PKNOX2: variants seen among roughly 807,000 people sequenced by gnomAD.
PKNOX2 encodes homeobox protein PKNOX2.
Under a neutral mutation model 53.1 loss-of-function variants are expected in PKNOX2, and 14 were observed. The observed-to-expected ratio is 0.26, with a 90% CI of 0.17 to 0.41. PKNOX2 has a LOEUF of 0.41. Ranked by LOEUF, PKNOX2 falls within the 10% of genes least tolerant of loss-of-function variation. The pLI is 1.00. For missense variants in PKNOX2, 496 were observed against 602.8 expected, an observed-to-expected ratio of 0.82 and a Z score of 1.85; for synonymous variants, 257 against 242.8, an observed-to-expected ratio of 1.06 and a Z score of -0.54.
At chr11:125,212,460 T>G (rs1939968805) in intron 1 of PKNOX2, among the ~76,000 whole-genome samples, 1 of 149,148 alleles carries the variant, frequency 6.7e-6, no homozygotes, top group Admixed American at 6.7e-5. Flanking sequence ...TTTTTTTTTT[T>G]TTTTTTTTTT....
At chr11:125,315,661 G>A (rs560375575) in intron 2 of PKNOX2, among the ~76,000 whole-genome samples, 122 of 152,332 alleles carry the variant, frequency 8.0e-4, no homozygotes, top group African/African-American at 2.8e-3. Flanking sequence ...AGATCTGAGG[G>A]CGTAGTGACC....
At chr11:125,359,714 C>A (rs963479735) in intron 4 of PKNOX2, among the ~76,000 whole-genome samples, 4 of 152,148 alleles carry the variant, frequency 2.6e-5, no homozygotes, top group African/African-American at 9.7e-5. Context: ...CCAGCCCTGC[C>A]GGGCCCGCCT....
intron 4 of PKNOX2, among the ~76,000 whole-genome samples, chr11:125,367,193 G>A (rs957781775): frequency 6.6e-6 from 1 of 152,232 alleles, no homozygotes; most frequent in African/African-American, 2.4e-5. Flanking sequence ...GAGTTGCTCT[G>A]GTTGGTACAA....
rs1956622535 is a variant in PKNOX2 at position 125,430,061 on chromosome 11, C to T, written c.1112C>T (p.Pro371Leu). 1 of 1,614,170 alleles carries T rather than the reference C, an allele frequency of 6.2e-7. No individual in the cohort carries two copies. Among genetic ancestry groups the T allele is most frequent in the Non-Finnish European group, 8.5e-7 (1 of 1,180,018 alleles). The change falls in exon 12 of 13, where the codon CCC (proline) becomes CTC (leucine). Residue 371 changes from proline to leucine, a missense_variant. By Grantham distance (98) the Pro-to-Leu change is moderately conservative. This residue lies in a region of PKNOX2 where 139 missense variants were observed against 161.3 expected (regional missense o/e 0.86). Coordinates refer to ENST00000298282, the MANE Select transcript of PKNOX2 (RefSeq NM_001382323.2). ...KAKKIKSQHR[P>L]TQRFWPNSIA... The stretch of plus-strand genomic sequence containing the variant: ...AAGAAGATCAAGTCTCAGCACCGGC[C>T]CACCCAAAGATTCTGGCCCAACTCC...
intron 6 of PKNOX2, among the ~76,000 whole-genome samples, chr11:125,390,819 A>G (rs1036579513): frequency 1.3e-5 from 2 of 152,224 alleles, no homozygotes; most frequent in South Asian, 2.1e-4. Context: ...ATTGACTCCA[A>G]AATGATTTGA....
chr11:125,330,090 G>T (rs532995435), intron 2 of PKNOX2, among the ~76,000 whole-genome samples: 1 of 151,748 alleles, frequency 6.6e-6, no homozygotes. Flanking sequence ...CTGTGGGGCC[G>T]ATGGTGGGAA....
At chr11:125,380,887 G>C (rs1953173173) in intron 5 of PKNOX2, among the ~76,000 whole-genome samples, 1 of 152,212 alleles carries the variant, frequency 6.6e-6, no homozygotes, top group African/African-American at 2.4e-5. Context: ...TCATGCTTTA[G>C]GGGGTGATGT....
chr11:125,323,135 A>G (rs1187446539), intron 2 of PKNOX2, among the ~76,000 whole-genome samples: 1 of 151,950 alleles, frequency 6.6e-6, no homozygotes, highest in African/African-American at 2.4e-5. Flanking sequence ...GAGGCCAGGT[A>G]TCTTGGCTCC....
intron 2 of PKNOX2, among the ~76,000 whole-genome samples, chr11:125,312,012 GA>G (rs1198929354): frequency 6.6e-6 from 1 of 151,712 alleles, no homozygotes; most frequent in African/African-American, 2.4e-5. Flanking sequence ...CAAAGAAGAA[GA>G]AAAAAAAGTC....
intron 8 of PKNOX2, 185 bp from the exon 9 acceptor site, chr11:125,410,594 G>C: frequency 1.5e-6 from 1 of 649,696 alleles, no homozygotes; most frequent in Non-Finnish European, 2.7e-6. Flanking sequence ...TCCCACCAGA[G>C]GCTCTGTCCT....
chr11:125,290,340 A>G (rs1202175335), intron 2 of PKNOX2, among the ~76,000 whole-genome samples: 3 of 152,128 alleles, frequency 2.0e-5, no homozygotes, highest in Non-Finnish European at 4.4e-5. Context: ...GCTTTTGGGG[A>G]AATGGAGTGG....
chr11:125,195,609 G>A (rs1164508765), intron 1 of PKNOX2, among the ~76,000 whole-genome samples: 2 of 147,762 alleles, frequency 1.4e-5, no homozygotes, highest in South Asian at 2.2e-4. Context: ...CTGGTTCAGG[G>A]GGAAATCTAC....
intron 10 of PKNOX2, among the ~76,000 whole-genome samples, chr11:125,413,962 C>A (rs1425000834): frequency 3.3e-5 from 5 of 152,160 alleles, no homozygotes; most frequent in Non-Finnish European, 7.3e-5. Flanking sequence ...CACTACTTTC[C>A]ACTCCCCACT....
chr11:125,178,626 GAAA>G (rs1955899560), intron 1 of PKNOX2, among the ~76,000 whole-genome samples: 3 of 79,546 alleles, frequency 3.8e-5, no homozygotes, highest in African/African-American at 2.4e-4. Context: ...AAGAAAGAAA[GAAA>G]GAAAGAAAGA....
intron 1 of PKNOX2, among the ~76,000 whole-genome samples, chr11:125,224,792 G>T (rs537328362): frequency 7.9e-5 from 12 of 152,254 alleles, no homozygotes; most frequent in Admixed American, 3.9e-4. Flanking sequence ...AGCCAGCACC[G>T]TACACATCTG....
Position 125,175,641 on chromosome 11 carries a change from G to T in PKNOX2, c.-201+10865G>T, listed in dbSNP as rs535961007. On this transcript the variant is annotated intron_variant, in intron 1 of 12. Transcript: ENST00000298282. ...AAAGTGAGGCTCAGAGAAGGTAAGA[G>T]AATTTGCCCAAGGTCACCCAGCTAT... Among the ~76,000 whole-genome samples the T allele has an allele frequency of 2.4e-4, 36 of 152,326 alleles. No homozygotes were observed. The South Asian group carries it at 7.5e-3, about 32-fold the overall frequency.
chr11:125,201,506 G>A (rs1938436480), intron 1 of PKNOX2, among the ~76,000 whole-genome samples: 1 of 152,224 alleles, frequency 6.6e-6, no homozygotes, highest in African/African-American at 2.4e-5. Context: ...AGGCTGGCTG[G>A]AGAAGGTGCC....
intron 3 of PKNOX2, among the ~76,000 whole-genome samples, chr11:125,349,014 C>T (rs1006054789): frequency 3.9e-5 from 6 of 152,170 alleles, no homozygotes; most frequent in Non-Finnish European, 7.4e-5. Context: ...GTGATCGATG[C>T]TCCCGGGAAG....
Position 125,245,625 on chromosome 11 carries a change from T to G in PKNOX2, c.-130+10510T>G, listed in dbSNP as rs149731140. Among the ~76,000 whole-genome samples the G allele has an allele frequency of 1.1e-3, 169 of 152,322 alleles. 1 individual carries two copies. The highest frequency in any genetic ancestry group is 4.0e-3 in the African/African-American group (166 of 41,582). On this transcript the variant is annotated intron_variant, in intron 2 of 12. Coordinates refer to ENST00000298282, the MANE Select transcript of PKNOX2 (RefSeq NM_001382323.2). The stretch of plus-strand genomic sequence containing the variant: ...CCTAGCCTGCCCCCATTAGGATGGC[T>G]TATCCTGGGACTTCTGGGGACCTAT...
Sources: gnomAD v4.1 joint callset for allele counts (sites outside exome capture counted in the v4.1 genomes callset) on GRCh38, gnomAD v4.1.1 for gene constraint, gnomAD v4.1.1 regional missense constraint, MANE v1.5 for transcripts, NCBI Gene and HGNC (gene_info 2026-07-23, HGNC 2026-07-21) for gene names.